Variants in CSNK1A1 observed in about 807,000 individuals in gnomAD.
CSNK1A1 encodes casein kinase I isoform alpha.
In CSNK1A1, 7 loss-of-function variants were observed where a neutral mutation model predicts 46.1. The observed-to-expected ratio is 0.15, with a 90% CI of 0.09 to 0.29. The LOEUF is 0.29. CSNK1A1 is among the 10% of genes least tolerant of loss of function. CSNK1A1 has a pLI of 1.00. For synonymous variants in CSNK1A1, 137 were observed against 141.5 expected (o/e 0.97, Z 0.23); for missense variants, 96 against 417.1 (o/e 0.23, Z 6.71).
chr5:149,508,870 A>G (rs1328393368), intron 7 of CSNK1A1, among the ~76,000 whole-genome samples: 3 of 152,222 alleles, frequency 2.0e-5, no homozygotes, highest in African/African-American at 7.2e-5. Flanking sequence ...AACCAGAAAC[A>G]TAAAACACTT....
intron 2 of CSNK1A1, among the ~76,000 whole-genome samples, chr5:149,530,493 A>G (rs1761859465): frequency 6.6e-6 from 1 of 152,216 alleles, no homozygotes; most frequent in Non-Finnish European, 1.5e-5. Flanking sequence ...TCCAATTTTA[A>G]TAGCACCTAC....
chr5:149,501,162 G>T (rs1187090997), intron 9 of CSNK1A1: 4 of 985,286 alleles, frequency 4.1e-6, no homozygotes, highest in Non-Finnish European at 3.6e-6. Flanking sequence ...AGGTCCAGCA[G>T]TCTTGGAGAC....
chr5:149,533,995 A>G (rs1261733946), intron 2 of CSNK1A1, among the ~76,000 whole-genome samples: 1 of 152,212 alleles, frequency 6.6e-6, no homozygotes, highest in Admixed American at 6.5e-5. Context: ...AATATTCTAA[A>G]TTTGAATTAT....
At chr5:149,499,968 T>C (rs1412631902) in intron 9 of CSNK1A1, among the ~76,000 whole-genome samples, 2 of 27,362 alleles carry the variant, frequency 7.3e-5, no homozygotes, top group Non-Finnish European at 1.3e-4. Flanking sequence ...TCTTTTTTTC[T>C]TTTTTTTTTT....
intron 2 of CSNK1A1, among the ~76,000 whole-genome samples, chr5:149,532,608 G>C (rs1230095953): frequency 2.0e-5 from 3 of 151,782 alleles, no homozygotes; most frequent in Admixed American, 6.6e-5. Flanking sequence ...AGAATCACTT[G>C]AACCTGGGAG....
intron 9 of CSNK1A1, chr5:149,504,252 G>T (rs973412380): frequency 1.0e-6 from 1 of 985,316 alleles, no homozygotes. Context: ...ACATGGAATA[G>T]AAGCATCTCA....
At chr5:149,544,339 T>C (rs1762395356) in intron 2 of CSNK1A1, among the ~76,000 whole-genome samples, 1 of 151,946 alleles carries the variant, frequency 6.6e-6, no homozygotes, top group Non-Finnish European at 1.5e-5. Flanking sequence ...CCAAAACCTA[T>C]CTAGATAAAG....
At chr5:149,530,475 A>G (rs566900307) in intron 2 of CSNK1A1, among the ~76,000 whole-genome samples, 2 of 152,330 alleles carry the variant, frequency 1.3e-5, no homozygotes, top group African/African-American at 4.8e-5. Flanking sequence ...AATCAGTGCT[A>G]TAATATATCC....
At chr5:149,505,409 T>A in intron 9 of CSNK1A1, 38 bp downstream of exon 9, 1 of 1,588,262 alleles carries the variant, frequency 6.3e-7, no homozygotes, top group South Asian at 1.1e-5. Flanking sequence ...TGTATTCAAT[T>A]TTTTCCCTGT....
chr5:149,501,516 G>C (rs748041415), intron 9 of CSNK1A1: 6 of 985,318 alleles, frequency 6.1e-6, no homozygotes, highest in Admixed American at 1.2e-4. Context: ...AAGGAAGACT[G>C]TGGACATGGT....
chr5:149,512,015 G>T, intron 5 of CSNK1A1, 143 bp from the exon 6 acceptor site: 1 of 602,806 alleles, frequency 1.7e-6, no homozygotes, highest in Non-Finnish European at 2.7e-6. Context: ...CTTATTTAAG[G>T]TGATTTTAAA....
intron 9 of CSNK1A1, chr5:149,502,549 G>T: frequency 6.6e-6 from 2 of 304,796 alleles, no homozygotes; most frequent in Non-Finnish European, 9.3e-6. Context: ...GACGATGTTG[G>T]AGGGAGCTGG....
At chr5:149,534,504 AAAAAG>A (rs1405308509) in intron 2 of CSNK1A1, among the ~76,000 whole-genome samples, 2 of 137,864 alleles carry the variant, frequency 1.5e-5, no homozygotes, top group African/African-American at 2.6e-5. Context: ...AAAAAAAAAA[AAAAAG>A]AAGGCTTCCT....
At chr5:149,544,565 A>T (rs1762403611) in intron 2 of CSNK1A1, among the ~76,000 whole-genome samples, 1 of 151,494 alleles carries the variant, frequency 6.6e-6, no homozygotes, top group Non-Finnish European at 1.5e-5. Context: ...AGAATGGAAC[A>T]CACAAAAAAA....
At chr5:149,538,918 G>C (rs1407576452) in intron 2 of CSNK1A1, among the ~76,000 whole-genome samples, 1 of 114,790 alleles carries the variant, frequency 8.7e-6, no homozygotes. Context: ...GCGAAACTCC[G>C]TCTCAAAAAA....
chr5:149,497,386 C>T (rs1760687319), intron 9 of CSNK1A1: 1 of 985,658 alleles, frequency 1.0e-6, no homozygotes, highest in Non-Finnish European at 1.2e-6. Flanking sequence ...AACCTTAGAC[C>T]TTTAAAACTT....
intron 2 of CSNK1A1, among the ~76,000 whole-genome samples, chr5:149,546,586 CTG>C (rs1164141269): frequency 6.6e-6 from 1 of 151,308 alleles, no homozygotes; most frequent in East Asian, 2.0e-4. Flanking sequence ...TGAGCCAAGA[CTG>C]TACCACTGCA....
At chr5:149,542,684 ATATATATATTT>A (rs1762336552) in intron 2 of CSNK1A1, among the ~76,000 whole-genome samples, 1 of 17,290 alleles carries the variant, frequency 5.8e-5, no homozygotes, top group African/African-American at 2.5e-4. Context: ...ATATATATAT[ATATATATATTT>A]TTTTTTTTTT....
intron 9 of CSNK1A1, chr5:149,502,573 T>A: frequency 1.2e-5 from 5 of 402,830 alleles, no homozygotes; most frequent in Non-Finnish European, 1.6e-5. Flanking sequence ...AGGGTCTTAC[T>A]ATGTGGCCCA....
Sources: allele counts gnomAD v4.1 joint callset (sites outside exome capture counted in the v4.1 genomes callset), GRCh38; gene constraint gnomAD v4.1.1; transcripts MANE v1.5; gene names NCBI Gene and HGNC (gene_info 2026-07-23, HGNC 2026-07-21).